The following TRHDE variants were observed in gnomAD, a reference collection of about 807,000 sequenced individuals.
TRHDE encodes thyrotropin-releasing hormone-degrading ectoenzyme.
TRHDE carries 72 observed loss-of-function variants against 125.7 expected under a neutral mutation model. The observed-to-expected ratio is 0.57, with a 90% CI of 0.47 to 0.70. TRHDE has a LOEUF of 0.70. TRHDE is among the 30% of genes least tolerant of loss of function. The pLI, the probability that TRHDE is intolerant of heterozygous loss-of-function variation, is 0.00. For missense variants in TRHDE, 1,110 were observed against 1,327.1 expected, an observed-to-expected ratio of 0.84 and a Z score of 2.54; for synonymous variants, 509 against 509.1, an observed-to-expected ratio of 1.00 and a Z score of 0.00.
chr12:72,516,542 G>A (rs1467490737), intron 6 of TRHDE, among the ~76,000 whole-genome samples: 1 of 152,128 alleles, frequency 6.6e-6, no homozygotes, highest in East Asian at 1.9e-4. Context: ...AGGAGACTTT[G>A]GGCTGAGACA....
At chr12:72,327,106 T>G (rs1440316514) in intron 2 of TRHDE, among the ~76,000 whole-genome samples, 1 of 152,174 alleles carries the variant, frequency 6.6e-6, no homozygotes, top group Non-Finnish European at 1.5e-5. Flanking sequence ...TGTGAGAACT[T>G]TTATCTCACT....
intron 6 of TRHDE, among the ~76,000 whole-genome samples, chr12:72,519,752 G>GT (rs1465415964): frequency 2.6e-5 from 4 of 152,158 alleles, no homozygotes; most frequent in South Asian, 4.1e-4. Flanking sequence ...TTTCTGTTCT[G>GT]TTTTTTCCCC....
At chr12:72,644,392 A>C (rs1245987565) in intron 15 of TRHDE, among the ~76,000 whole-genome samples, 1 of 152,176 alleles carries the variant, frequency 6.6e-6, no homozygotes, top group African/African-American at 2.4e-5. Context: ...AGTCTAGCAC[A>C]ATCTAGCCGT....
chr12:72,150,677 C>T (rs187219165), intron 2 of TRHDE, among the ~76,000 whole-genome samples: 6 of 151,584 alleles, frequency 4.0e-5, no homozygotes, highest in Admixed American at 3.9e-4. Flanking sequence ...CAATAGTTTG[C>T]TGAGAATGAT....
intron 2 of TRHDE, among the ~76,000 whole-genome samples, chr12:72,343,537 G>T (rs996079819): frequency 2.6e-5 from 4 of 151,890 alleles, no homozygotes; most frequent in African/African-American, 7.3e-5. Context: ...ACATTTTCTT[G>T]TCCTAAGCCA....
intron 7 of TRHDE, among the ~76,000 whole-genome samples, chr12:72,557,322 C>G (rs1280042065): frequency 6.6e-6 from 1 of 152,160 alleles, no homozygotes; most frequent in Non-Finnish European, 1.5e-5. Flanking sequence ...GAAGCCAAAT[C>G]ATAGATGGGG....
intron 6 of TRHDE, among the ~76,000 whole-genome samples, chr12:72,532,903 T>C (rs1263856138): frequency 6.6e-6 from 1 of 151,658 alleles, no homozygotes; most frequent in Non-Finnish European, 1.5e-5. Flanking sequence ...CATGATCATA[T>C]GAAGGATATT....
At chr12:72,091,427 A>T (rs1874788369) in intron 1 of TRHDE, among the ~76,000 whole-genome samples, 1 of 152,152 alleles carries the variant, frequency 6.6e-6, no homozygotes, top group Non-Finnish European at 1.5e-5. Context: ...TTAAAATCTG[A>T]TAAATTCTGA....
intron 2 of TRHDE, among the ~76,000 whole-genome samples, chr12:72,175,944 T>C (rs1876978903): frequency 6.6e-6 from 1 of 152,214 alleles, no homozygotes; most frequent in South Asian, 2.1e-4. Flanking sequence ...AGTTGTTTTA[T>C]AGGGGTTTAT....
At chr12:72,649,122 A>G (rs1241703833) in intron 15 of TRHDE, among the ~76,000 whole-genome samples, 1 of 152,112 alleles carries the variant, frequency 6.6e-6, no homozygotes, top group African/African-American at 2.4e-5. Flanking sequence ...GAGGAATCAC[A>G]CTTGCTAATT....
intron 3 of TRHDE, among the ~76,000 whole-genome samples, chr12:72,462,761 T>C (rs955593751): frequency 1.3e-5 from 2 of 152,204 alleles, no homozygotes; most frequent in Non-Finnish European, 2.9e-5. Context: ...ATACCATGTG[T>C]AATTTTCATG....
chr12:72,307,139 G>A (rs1011669780), intron 2 of TRHDE, among the ~76,000 whole-genome samples: 3 of 152,024 alleles, frequency 2.0e-5, no homozygotes, highest in Admixed American at 1.3e-4. Context: ...GTTTCAAGCA[G>A]AGGAGTGATC....
chr12:72,240,367 G>A (rs1188847200), intron 2 of TRHDE, among the ~76,000 whole-genome samples: 2 of 146,922 alleles, frequency 1.4e-5, no homozygotes, highest in African/African-American at 5.0e-5. Context: ...ATATATATTT[G>A]AATATATATG....
chr12:72,338,179 G>C (rs1439039326), intron 2 of TRHDE, among the ~76,000 whole-genome samples: 1 of 152,162 alleles, frequency 6.6e-6, no homozygotes. Flanking sequence ...TTGATGCCAA[G>C]CTTTTCCTCT....
At chr12:72,418,994 A>G (rs1307481192) in intron 3 of TRHDE, among the ~76,000 whole-genome samples, 2 of 152,170 alleles carry the variant, frequency 1.3e-5, no homozygotes, top group African/African-American at 2.4e-5. Flanking sequence ...CTTGGGATAT[A>G]GAATGAGTAG....
intron 1 of TRHDE, among the ~76,000 whole-genome samples, chr12:72,283,866 T>C (rs1242277227): frequency 6.6e-6 from 1 of 151,882 alleles, no homozygotes; most frequent in East Asian, 1.9e-4. Context: ...TATTATTAGG[T>C]GTCCTTTAAT....
At chr12:72,568,781 G>T (rs1669030448) in intron 10 of TRHDE, 125 bp downstream of exon 10, 2 of 544,796 alleles carry the variant, frequency 3.7e-6, no homozygotes, top group African/African-American at 1.9e-5. Context: ...ATAAAGGAAT[G>T]ATTATCAACC....
At chr12:72,589,351 C>G (rs1235524410) in intron 12 of TRHDE, among the ~76,000 whole-genome samples, 1 of 151,206 alleles carries the variant, frequency 6.6e-6, no homozygotes, top group African/African-American at 2.4e-5. Flanking sequence ...TTATTTTTTT[C>G]TTACACTTTA....
intron 2 of TRHDE, among the ~76,000 whole-genome samples, chr12:72,153,512 T>C (rs1876421979): frequency 6.6e-6 from 1 of 152,266 alleles, no homozygotes; most frequent in African/African-American, 2.4e-5. Flanking sequence ...AGATCTTTCC[T>C]GCTTTCTCTT....
Sources: allele counts gnomAD v4.1 joint callset (sites outside exome capture counted in the v4.1 genomes callset), GRCh38; gene constraint gnomAD v4.1.1; transcripts MANE v1.5; gene names NCBI Gene and HGNC (gene_info 2026-07-23, HGNC 2026-07-21).